ASTN2: variants seen among roughly 807,000 people sequenced by gnomAD.
ASTN2 encodes astrotactin-2.
ASTN2 carries 54 observed loss-of-function variants against 139.8 expected under a neutral mutation model. The ratio of observed to expected loss-of-function variants is 0.39; its 90% CI spans 0.31 to 0.48. ASTN2 has a LOEUF of 0.48. ASTN2 is among the 20% of genes least tolerant of loss of function. ASTN2 has a pLI of 0.95. For synonymous variants in ASTN2, 756 were observed against 719.5 expected (o/e 1.05, Z -0.81); for missense variants, 1,565 against 1,725.1 (o/e 0.91, Z 1.64).
chr9:116,456,852 C>A (rs1250969887), intron 20 of ASTN2, among the ~76,000 whole-genome samples: 3 of 152,038 alleles, frequency 2.0e-5, no homozygotes, highest in Admixed American at 6.6e-5. Context: ...GAAAACAAAT[C>A]CTAAAATTCC....
intron 20 of ASTN2, among the ~76,000 whole-genome samples, chr9:116,457,647 G>A (rs1305333043): frequency 6.6e-6 from 1 of 152,156 alleles, no homozygotes; most frequent in African/African-American, 2.4e-5. Flanking sequence ...AAACTACAAT[G>A]AGATGTCATC....
intron 2 of ASTN2, among the ~76,000 whole-genome samples, chr9:117,237,502 C>G (rs1456009085): frequency 6.6e-6 from 1 of 152,092 alleles, no homozygotes; most frequent in African/African-American, 2.4e-5. Flanking sequence ...TCTTTTGAGA[C>G]AGAGTTTTGC....
rs776607712 is a variant in ASTN2, at chr9:116,440,762, T to C, written c.3629A>G (p.Asn1210Ser). The C allele has an allele frequency of 1.2e-6, 2 of 1,614,058 alleles. No homozygotes were observed. The highest frequency in any genetic ancestry group is 2.2e-5 in the East Asian group (1 of 44,874). Reference sequence around the variant, plus strand: ...CTGCTCCTTTCCACTTGTGTACCCATTGTACAGATTGTAGATCTTGTCAGC... The same window carrying C: ...CTGCTCCTTTCCACTTGTGTACCCACTGTACAGATTGTAGATCTTGTCAGC... Reference protein sequence around the residue: ...EIADKIYNLYNGYTSGKEQQM... With the variant: ...EIADKIYNLYSGYTSGKEQQM... The change falls in exon 22 of 23, where the codon AAT becomes AGT. Residue 1210 changes from asparagine to serine, a missense_variant. Transcript: ENST00000313400.
intron 10 of ASTN2, among the ~76,000 whole-genome samples, chr9:116,889,400 C>G (rs1169313545): frequency 6.6e-6 from 1 of 152,110 alleles, no homozygotes; most frequent in Non-Finnish European, 1.5e-5. Context: ...GCCCTCCCTT[C>G]AACACAGGCA....
chr9:117,207,085 G>A (rs1310719685), intron 3 of ASTN2, among the ~76,000 whole-genome samples: 2 of 152,032 alleles, frequency 1.3e-5, no homozygotes, highest in Non-Finnish European at 2.9e-5. Context: ...GGCTGGCCAG[G>A]CAGCTGCGCA....
intron 10 of ASTN2, among the ~76,000 whole-genome samples, chr9:116,934,558 A>G (rs980762360): frequency 1.1e-4 from 7 of 64,938 alleles, no homozygotes; most frequent in African/African-American, 4.1e-4. Flanking sequence ...AGTGGGAGCT[A>G]AATGATGAGA....
intron 2 of ASTN2, among the ~76,000 whole-genome samples, chr9:117,262,968 A>C (rs1833860183): frequency 6.6e-6 from 1 of 152,114 alleles, no homozygotes; most frequent in Admixed American, 6.6e-5. Flanking sequence ...TTCTCCCCTA[A>C]AGTCTCTAAA....
At chr9:117,161,453 G>T (rs750138236) in intron 3 of ASTN2, among the ~76,000 whole-genome samples, 2 of 152,056 alleles carry the variant, frequency 1.3e-5, no homozygotes, top group East Asian at 3.9e-4. Context: ...GAGTGCAGTG[G>T]TGCAATCTCG....
intron 22 of ASTN2, among the ~76,000 whole-genome samples, chr9:116,438,699 C>G (rs1029587506): frequency 6.6e-6 from 1 of 152,166 alleles, no homozygotes; most frequent in Non-Finnish European, 1.5e-5. Flanking sequence ...AATCCTAGCA[C>G]TTTGGGAGGC....
intron 19 of ASTN2, among the ~76,000 whole-genome samples, chr9:116,492,524 A>C (rs1849547021): frequency 6.6e-6 from 1 of 152,188 alleles, no homozygotes; most frequent in African/African-American, 2.4e-5. Flanking sequence ...CATACACTCA[A>C]CAGGAGGAGA....
chr9:116,916,021 GT>G (rs994358070), intron 10 of ASTN2, among the ~76,000 whole-genome samples: 30 of 152,200 alleles, frequency 2.0e-4, no homozygotes, highest in Non-Finnish European at 4.3e-4. Flanking sequence ...CCCACATGGA[GT>G]TTTTGTCAGA....
At chr9:116,805,861 G>A (rs780356344) in intron 12 of ASTN2, 41 bp from the exon 13 acceptor site, 1 of 1,594,738 alleles carries the variant, frequency 6.3e-7, no homozygotes, top group Non-Finnish European at 8.6e-7. Context: ...TTCACATCCT[G>A]AATGCCCCCA....
chr9:116,765,550 G>A (rs1052048354), intron 13 of ASTN2, among the ~76,000 whole-genome samples: 1 of 152,162 alleles, frequency 6.6e-6, no homozygotes, highest in African/African-American at 2.4e-5. Flanking sequence ...GTGCACAGCT[G>A]TATTTACAAG....
chr9:117,029,005 G>A (rs996220172), intron 6 of ASTN2, among the ~76,000 whole-genome samples: 7 of 152,158 alleles, frequency 4.6e-5, no homozygotes, highest in South Asian at 2.1e-4. Context: ...TCATAGAGGA[G>A]CTGGAGGATG....
chr9:116,509,536 G>A (rs2119177642), intron 19 of ASTN2, among the ~76,000 whole-genome samples: 1 of 152,274 alleles, frequency 6.6e-6, no homozygotes, highest in South Asian at 2.1e-4. Context: ...TAATGGGATG[G>A]CTGGGTCAAA....
chr9:117,412,857 G>A (rs1459899662), intron 1 of ASTN2, among the ~76,000 whole-genome samples: 4 of 152,190 alleles, frequency 2.6e-5, no homozygotes, highest in Admixed American at 6.5e-5. Flanking sequence ...AGGTTAGTCC[G>A]GCGGCGCTCT....
chr9:116,653,944 A>G (rs1454896846), intron 16 of ASTN2, among the ~76,000 whole-genome samples: 1 of 152,234 alleles, frequency 6.6e-6, no homozygotes, highest in African/African-American at 2.4e-5. Context: ...TAAGACAAAC[A>G]AAACAAGGGT....
At chr9:117,063,957 G>A (rs1839375259) in intron 5 of ASTN2, among the ~76,000 whole-genome samples, 1 of 151,924 alleles carries the variant, frequency 6.6e-6, no homozygotes, top group South Asian at 2.1e-4. Context: ...CACTGGGGCT[G>A]CTCCAACAGC....
At chr9:117,011,804 C>T (rs983570499) in intron 6 of ASTN2, among the ~76,000 whole-genome samples, 1 of 152,118 alleles carries the variant, frequency 6.6e-6, no homozygotes, top group East Asian at 1.9e-4. Context: ...AGTAAGTGGC[C>T]AAAGTGGAAC....
Sources: gnomAD v4.1 joint callset for allele counts (sites outside exome capture counted in the v4.1 genomes callset) on GRCh38, gnomAD v4.1.1 for gene constraint, MANE v1.5 for transcripts, NCBI Gene and HGNC (gene_info 2026-07-23, HGNC 2026-07-21) for gene names.